The following TYW3 variants were observed in gnomAD, a reference collection of about 807,000 sequenced individuals.
The protein encoded by TYW3 is tRNA-yW synthesizing protein 3 homolog.
A neutral mutation model predicts 23.1 loss-of-function variants in TYW3; 26 were observed. That is an observed-to-expected ratio of 1.13 (90% CI 0.83 to 1.56). The LOEUF is 1.56. TYW3 is among the 40% of genes most tolerant of loss of function. TYW3 has a pLI of 0.00. For synonymous variants in TYW3, 102 were observed against 105.7 expected (o/e 0.97, Z 0.21); for missense variants, 316 against 311.9 (o/e 1.01, Z -0.10).
At chr1:74,736,784 T>G (rs1194512715) in intron 2 of TYW3, among the ~76,000 whole-genome samples, 162 bp downstream of exon 2, 1 of 152,240 alleles carries the variant, frequency 6.6e-6, no homozygotes, top group African/African-American at 2.4e-5. Flanking sequence ...TTTTGGGTTG[T>G]AGGAGATAAA....
chr1:74,735,063 AACTCTGTCTCGCC>A (rs1648099941), intron 1 of TYW3, among the ~76,000 whole-genome samples: 1 of 152,144 alleles, frequency 6.6e-6, no homozygotes, highest in Admixed American at 6.5e-5. Flanking sequence ...CCATTTCCAT[AACTCTGTCTCGCC>A]TTGATTTTTG....
chr1:74,739,540 T>G (rs1171820516), intron 3 of TYW3, among the ~76,000 whole-genome samples: 2 of 152,308 alleles, frequency 1.3e-5, no homozygotes, highest in Middle Eastern at 3.4e-3. Flanking sequence ...GAAATGAACA[T>G]TCCATGAAGA....
chr1:74,737,942 C>G (rs1370022298), intron 2 of TYW3, among the ~76,000 whole-genome samples: 2 of 152,130 alleles, frequency 1.3e-5, no homozygotes, highest in African/African-American at 2.4e-5. Flanking sequence ...GGCATGTACC[C>G]CACTTTGTGC....
At chr1:74,762,729 A>G (rs1251370475) in intron 5 of TYW3, among the ~76,000 whole-genome samples, 2 of 152,166 alleles carry the variant, frequency 1.3e-5, no homozygotes, top group Non-Finnish European at 2.9e-5. Flanking sequence ...GTGAAAAATC[A>G]AGACTGTGGG....
chr1:74,738,571 A>G (rs1557742063), intron 2 of TYW3, 119 bp from the exon 3 acceptor site: 3 of 576,652 alleles, frequency 5.2e-6, no homozygotes, highest in Non-Finnish European at 8.3e-6. Flanking sequence ...GTTACTGCAG[A>G]AAAAATATGC....
chr1:74,740,304 G>C (rs28436025), intron 3 of TYW3, among the ~76,000 whole-genome samples: 19,584 of 152,174 alleles, frequency 0.13, 2,545 homozygotes, highest in East Asian at 0.64. Context: ...TGGGTTCGTG[G>C]TCTTGCTGAT....
intron 1 of TYW3, among the ~76,000 whole-genome samples, chr1:74,733,927 G>C (rs923974026): frequency 1.3e-5 from 2 of 152,048 alleles, no homozygotes; most frequent in Non-Finnish European, 2.9e-5. Context: ...AACTCTAGTA[G>C]TTTTACGCAG....
chr1:74,736,172 C>A (rs2100752938), intron 1 of TYW3: 1 of 155,448 alleles, frequency 6.4e-6, no homozygotes, highest in Admixed American at 6.5e-5. Context: ...TGCTGTCCTA[C>A]AAAAGAAATT....
At chr1:74,743,861 A>T (rs1305490284) in intron 3 of TYW3, among the ~76,000 whole-genome samples, 1 of 152,206 alleles carries the variant, frequency 6.6e-6, no homozygotes, top group Non-Finnish European at 1.5e-5. Context: ...GTAGCATGAC[A>T]TCTCTCCAAG....
intron 5 of TYW3, among the ~76,000 whole-genome samples, chr1:74,760,409 A>T (rs1342912490): frequency 6.6e-6 from 1 of 152,240 alleles, no homozygotes; most frequent in South Asian, 2.1e-4. Context: ...AAGCGAAAAC[A>T]TATATTTTAT....
chr1:74,739,026 A>T (rs1648259291), intron 3 of TYW3, among the ~76,000 whole-genome samples: 1 of 152,062 alleles, frequency 6.6e-6, no homozygotes. Flanking sequence ...TAACGTTTTT[A>T]TTTATAAATT....
intron 4 of TYW3, among the ~76,000 whole-genome samples, chr1:74,750,888 ACCGCCACCT>A (rs1648761044): frequency 7.0e-6 from 1 of 143,186 alleles, no homozygotes; most frequent in Non-Finnish European, 1.5e-5. Context: ...GCTCACTGCA[ACCGCCACCT>A]CCCAGGTTCA....
intron 2 of TYW3, among the ~76,000 whole-genome samples, chr1:74,737,922 G>T (rs1199448276): frequency 1.3e-5 from 2 of 152,142 alleles, no homozygotes; most frequent in African/African-American, 4.8e-5. Flanking sequence ...GCTGATCAGG[G>T]CAGAGTGATG....
chr1:74,735,637 C>A (rs1435297032), intron 1 of TYW3, among the ~76,000 whole-genome samples: 1 of 152,064 alleles, frequency 6.6e-6, no homozygotes, highest in African/African-American at 2.4e-5. Flanking sequence ...GTTGCCAATC[C>A]CACCACTAGA....
intron 3 of TYW3, among the ~76,000 whole-genome samples, chr1:74,747,892 T>C (rs919656756): frequency 6.7e-6 from 1 of 150,166 alleles, no homozygotes; most frequent in African/African-American, 2.5e-5. Flanking sequence ...CATATACACA[T>C]ATACACACAT....
At chr1:74,743,687 G>C (rs548643678) in intron 3 of TYW3, among the ~76,000 whole-genome samples, 1 of 152,296 alleles carries the variant, frequency 6.6e-6, no homozygotes, top group East Asian at 1.9e-4. Flanking sequence ...CGAGGTCCCA[G>C]TGGGGAGCCA....
chr1:74,733,616 A>T, intron 1 of TYW3, 198 bp downstream of exon 1: 1 of 919,296 alleles, frequency 1.1e-6, no homozygotes. Flanking sequence ...TCAGCTGAGC[A>T]TCTTTTAAAA....
chr1:74,758,408 A>G (rs794393), intron 5 of TYW3, among the ~76,000 whole-genome samples: 1 of 151,194 alleles, frequency 6.6e-6, no homozygotes, highest in African/African-American at 2.4e-5. Context: ...AATTCTTATC[A>G]TCATTTACCA....
At chr1:74,759,864 C>T (rs1234789753) in intron 5 of TYW3, among the ~76,000 whole-genome samples, 1 of 152,128 alleles carries the variant, frequency 6.6e-6, no homozygotes, top group Non-Finnish European at 1.5e-5. Flanking sequence ...AGGCTGGTCT[C>T]AAACTCCTGG....
Sources: gnomAD v4.1 joint callset for allele counts (sites outside exome capture counted in the v4.1 genomes callset) on GRCh38, gnomAD v4.1.1 for gene constraint, MANE v1.5 for transcripts, NCBI Gene and HGNC (gene_info 2026-07-23, HGNC 2026-07-21) for gene names.